The following RFTN2 variants were observed in gnomAD, a reference collection of about 807,000 sequenced individuals.
RFTN2 encodes raftlin-2.
Under a neutral mutation model 52.7 loss-of-function variants are expected in RFTN2, and 34 were observed. The ratio of observed to expected loss-of-function variants is 0.64; its 90% confidence interval spans 0.49 to 0.86. RFTN2 has a LOEUF of 0.86. RFTN2 is among the 40% of genes least tolerant of loss of function. RFTN2 has a pLI of 0.00. For synonymous variants in RFTN2, 203 were observed against 217.7 expected (o/e 0.93, Z 0.59); for missense variants, 536 against 600.1 (o/e 0.89, Z 1.12).
At chr2:197,656,560 G>A (rs2088896469) in intron 1 of RFTN2, among the ~76,000 whole-genome samples, 1 of 152,300 alleles carries the variant, frequency 6.6e-6, no homozygotes, top group East Asian at 1.9e-4. Flanking sequence ...TTTGTTGATG[G>A]TCCAGCTCTG....
chr2:197,590,641 G>C (rs1162747561), intron 8 of RFTN2, among the ~76,000 whole-genome samples: 1 of 152,162 alleles, frequency 6.6e-6, no homozygotes, highest in African/African-American at 2.4e-5. Flanking sequence ...GGCGTGTCCG[G>C]AGTTTGCTCC....
At chr2:197,589,951 G>C (rs1430646215) in intron 8 of RFTN2, among the ~76,000 whole-genome samples, 1 of 151,896 alleles carries the variant, frequency 6.6e-6, no homozygotes, top group Admixed American at 6.6e-5. Context: ...CTGTTGCTCA[G>C]GCTGGAGTAC....
At chr2:197,667,266 AT>A (rs1195669292) in intron 1 of RFTN2, among the ~76,000 whole-genome samples, 1 of 152,174 alleles carries the variant, frequency 6.6e-6, no homozygotes, top group Non-Finnish European at 1.5e-5. Flanking sequence ...GATTACAGAC[AT>A]GAGCCATGGC....
chr2:197,588,976 C>G (rs2087645675), intron 8 of RFTN2, among the ~76,000 whole-genome samples: 1 of 152,078 alleles, frequency 6.6e-6, no homozygotes, highest in Non-Finnish European at 1.5e-5. Flanking sequence ...GTAATCCCAG[C>G]ATTTTGGGAG....
At chr2:197,646,877 A>C (rs945649813) in intron 1 of RFTN2, among the ~76,000 whole-genome samples, 1 of 127,692 alleles carries the variant, frequency 7.8e-6, no homozygotes, top group East Asian at 2.7e-4. Flanking sequence ...TAACAGGAAC[A>C]TAGTAGGACA....
chr2:197,635,062 G>C (rs1378883620), intron 3 of RFTN2, among the ~76,000 whole-genome samples: 1 of 152,044 alleles, frequency 6.6e-6, no homozygotes, highest in Non-Finnish European at 1.5e-5. Context: ...CAAAGGACAT[G>C]AACTCATCAT....
At chr2:197,611,262 C>T (rs553677646) in intron 7 of RFTN2, among the ~76,000 whole-genome samples, 23 of 151,978 alleles carry the variant, frequency 1.5e-4, no homozygotes, top group African/African-American at 2.9e-4. Context: ...TTGGTTGGTA[C>T]GCTATTAATT....
chr2:197,580,821 G>C (rs139882309), intron 8 of RFTN2, among the ~76,000 whole-genome samples: 2 of 152,098 alleles, frequency 1.3e-5, no homozygotes, highest in African/African-American at 4.8e-5. Flanking sequence ...CTTGGACAAC[G>C]TTCTTTTAAG....
chr2:197,670,483 C>T (rs576581641), intron 1 of RFTN2, among the ~76,000 whole-genome samples: 1 of 152,082 alleles, frequency 6.6e-6, no homozygotes, highest in Admixed American at 6.6e-5. Context: ...TAAGACCAGT[C>T]TGGGCAACAT....
At chr2:197,637,461 A>G (rs2088587308) in intron 3 of RFTN2, among the ~76,000 whole-genome samples, 1 of 151,960 alleles carries the variant, frequency 6.6e-6, no homozygotes, top group South Asian at 2.1e-4. Context: ...TTCCTGGTTT[A>G]GTCTTGGGAG....
intron 8 of RFTN2, among the ~76,000 whole-genome samples, chr2:197,575,826 T>C (rs1460607045): frequency 3.6e-5 from 3 of 84,168 alleles, no homozygotes; most frequent in Non-Finnish European, 7.7e-5. Flanking sequence ...ATATATTCTA[T>C]ATATAATATA....
chr2:197,674,689 G>A (rs2089192961), intron 1 of RFTN2, among the ~76,000 whole-genome samples: 1 of 152,078 alleles, frequency 6.6e-6, no homozygotes, highest in South Asian at 2.1e-4. Context: ...CCACAGAGCT[G>A]CCATCTGGGC....
chr2:197,625,980 C>T (rs1021274135), intron 5 of RFTN2, among the ~76,000 whole-genome samples: 5 of 151,864 alleles, frequency 3.3e-5, no homozygotes, highest in Non-Finnish European at 5.9e-5. Context: ...ATAGAGACAG[C>T]GTTTTGCCGT....
chr2:197,584,646 T>G (rs2087567182), intron 8 of RFTN2, among the ~76,000 whole-genome samples: 1 of 152,204 alleles, frequency 6.6e-6, no homozygotes, highest in Admixed American at 6.5e-5. Flanking sequence ...TGGCTTTTGT[T>G]GCCATTGCTT....
chr2:197,630,162 G>C (rs2088445001), intron 5 of RFTN2, among the ~76,000 whole-genome samples: 1 of 152,014 alleles, frequency 6.6e-6, no homozygotes, highest in South Asian at 2.1e-4. Flanking sequence ...CATGACTCCT[G>C]ATAATTTAAA....
At chr2:197,605,660 G>T (rs1372556908) in intron 7 of RFTN2, among the ~76,000 whole-genome samples, 1 of 152,076 alleles carries the variant, frequency 6.6e-6, no homozygotes, top group Non-Finnish European at 1.5e-5. Context: ...ATACTGCAAC[G>T]TCCGCTCCCA....
chr2:197,660,024 T>A (rs1001390125), intron 1 of RFTN2, among the ~76,000 whole-genome samples: 3 of 152,218 alleles, frequency 2.0e-5, no homozygotes, highest in Non-Finnish European at 4.4e-5. Context: ...AGTATTATCA[T>A]TATTTTCAGA....
At chr2:197,660,668 G>A (rs1441297858) in intron 1 of RFTN2, among the ~76,000 whole-genome samples, 1 of 151,368 alleles carries the variant, frequency 6.6e-6, no homozygotes, top group Non-Finnish European at 1.5e-5. Context: ...TGATTCTCGT[G>A]TCTCAGCCAC....
chr2:197,630,701 C>T lies in RFTN2; in HGVS notation c.928+310G>A, dbSNP rs987421568. 2.6e-5 allele frequency among the ~76,000 whole-genome samples: 4 copies of T among 152,274 alleles called. No homozygotes were observed. The South Asian group carries it at 8.3e-4, about 32-fold the overall frequency. On this transcript the variant is annotated intron_variant, in intron 5 of 8. Coordinates refer to ENST00000295049, the MANE Select transcript of RFTN2 (RefSeq NM_144629.3). ...ACACGAAATGCCATCATAAACCTCCCGTTTGGACTATTATAGTACATCTTA... is the reference window on the plus strand; with the variant it reads ...ACACGAAATGCCATCATAAACCTCCTGTTTGGACTATTATAGTACATCTTA...
Sources: allele counts gnomAD v4.1 joint callset (sites outside exome capture counted in the v4.1 genomes callset), GRCh38; gene constraint gnomAD v4.1.1; transcripts MANE v1.5; gene names NCBI Gene and HGNC (gene_info 2026-07-23, HGNC 2026-07-21).